The following SDK2 variants were observed in gnomAD, a reference collection of about 807,000 sequenced individuals.
The protein encoded by SDK2 is protein sidekick-2.
A neutral mutation model predicts 253.9 loss-of-function variants in SDK2; 105 were observed. The observed-to-expected ratio is 0.41, with a 90% CI of 0.35 to 0.49. SDK2 has a LOEUF of 0.49. SDK2 is among the 20% of genes least tolerant of loss of function. The pLI, the probability that SDK2 is intolerant of heterozygous loss-of-function variation, is 0.06. For synonymous variants in SDK2, 1,249 were observed against 1,234.9 expected (o/e 1.01, Z -0.24); for missense variants, 2,608 against 3,003.0 (o/e 0.87, Z 3.07).
At chr17:73,344,092 G>C (rs2062462481) in intron 44 of SDK2, among the ~76,000 whole-genome samples, 1 of 152,176 alleles carries the variant, frequency 6.6e-6, no homozygotes, top group South Asian at 2.1e-4. Flanking sequence ...TTAAAGGTGG[G>C]GTAGGGGTGA....
At chr17:73,544,812 C>T (rs2044929817) in intron 1 of SDK2, among the ~76,000 whole-genome samples, 1 of 152,180 alleles carries the variant, frequency 6.6e-6, no homozygotes, top group Non-Finnish European at 1.5e-5. Flanking sequence ...GGGGTCAGAG[C>T]TCGGGTGTGC....
In SDK2 at chr17:73,609,152, G is replaced by C. The variant is rs1357848692; in HGVS notation, c.64+34873C>G. 6.6e-6 allele frequency among the ~76,000 whole-genome samples: 1 copy of C among 152,158 alleles called. No homozygotes were observed. Among genetic ancestry groups the C allele is most frequent in the Non-Finnish European group, 1.5e-5 (1 of 68,040 alleles). Reference sequence around the variant, plus strand: ...CAGGAGTTTGCAAGACCTTGTGTGTGTTCAGTTGGGATGACTTGGTCATCA... The same window carrying C: ...CAGGAGTTTGCAAGACCTTGTGTGTCTTCAGTTGGGATGACTTGGTCATCA... On this transcript the variant is annotated intron_variant, in intron 1 of 44. Coordinates refer to ENST00000392650, the MANE Select transcript of SDK2 (RefSeq NM_001144952.2). The surrounding 1 kb of genome is among the most constrained non-coding windows in gnomAD (Gnocchi z 4.4).
rs1567790033 is a variant in SDK2 at position 73,467,972 on chromosome 17, C to A, written c.331+4140G>T. Among the ~76,000 whole-genome samples, 1 of 152,192 alleles carries A rather than the reference C, an allele frequency of 6.6e-6. No individual in the cohort carries two copies. Among genetic ancestry groups the A allele is most frequent in the Non-Finnish European group, 1.5e-5 (1 of 68,026 alleles). On this transcript the variant is annotated intron_variant, in intron 3 of 44. Coordinates refer to ENST00000392650, the MANE Select transcript of SDK2 (RefSeq NM_001144952.2). This position sits in a 1 kb window ranked among gnomAD's most constrained non-coding sequence, Gnocchi z 4.1. ...AGGTGTCCTATTCCTTTGCCAGGGGCCTTACCCATATGTGCACAGCTGGGC... is the reference window on the plus strand; with the variant it reads ...AGGTGTCCTATTCCTTTGCCAGGGGACTTACCCATATGTGCACAGCTGGGC...
At chr17:73,641,589 C>A (rs545647305) in intron 1 of SDK2, among the ~76,000 whole-genome samples, 16 of 151,962 alleles carry the variant, frequency 1.1e-4, no homozygotes, top group Non-Finnish European at 2.4e-4. Context: ...ACCCACCCCC[C>A]ATCCCCAAAA....
chr17:73,484,036 G>T (rs1402531356), intron 2 of SDK2, among the ~76,000 whole-genome samples: 1 of 152,018 alleles, frequency 6.6e-6, no homozygotes, highest in Non-Finnish European at 1.5e-5. Context: ...AAAGCAAAAT[G>T]AAAGGAGCAT....
intron 1 of SDK2, among the ~76,000 whole-genome samples, chr17:73,575,077 C>T (rs2045440375): frequency 6.6e-6 from 1 of 152,160 alleles, no homozygotes; most frequent in South Asian, 2.1e-4. Flanking sequence ...CTGGGCTCTG[C>T]CTGGGTTTGG....
chr17:73,418,170 G>C (rs2145576536), intron 16 of SDK2, among the ~76,000 whole-genome samples: 1 of 152,162 alleles, frequency 6.6e-6, no homozygotes, highest in South Asian at 2.1e-4. Context: ...ACCATGCCCA[G>C]GTAATTTTTG....
At chr17:73,502,601 T>A (rs922643666) in intron 2 of SDK2, among the ~76,000 whole-genome samples, 3 of 152,210 alleles carry the variant, frequency 2.0e-5, no homozygotes, top group Admixed American at 2.0e-4. Flanking sequence ...AAAACCATAA[T>A]GCATGAGTTT....
At chr17:73,398,801 T>A (rs2062994024) in intron 22 of SDK2, among the ~76,000 whole-genome samples, 1 of 152,138 alleles carries the variant, frequency 6.6e-6, no homozygotes, top group Non-Finnish European at 1.5e-5. Flanking sequence ...AGGCTGCCCC[T>A]CAAATCAGCT....
chr17:73,350,008 C>T (rs2062520023), intron 43 of SDK2, among the ~76,000 whole-genome samples: 1 of 75,704 alleles, frequency 1.3e-5, no homozygotes, highest in Admixed American at 1.8e-4. Flanking sequence ...CCCCAGTGCG[C>T]CCTCACCCCC....
chr17:73,363,660 A>C (rs1272461306), intron 38 of SDK2, among the ~76,000 whole-genome samples: 1 of 151,992 alleles, frequency 6.6e-6, no homozygotes, highest in Admixed American at 6.6e-5. Flanking sequence ...CTATTATGGG[A>C]AGATGGGAAT....
intron 1 of SDK2, among the ~76,000 whole-genome samples, chr17:73,624,698 G>A (rs2046179070): frequency 6.6e-6 from 1 of 152,236 alleles, no homozygotes; most frequent in African/African-American, 2.4e-5. Context: ...ACCGCTGAGT[G>A]ATGCTGAGGC....
At chr17:73,549,213 G>A in intron 1 of SDK2, among the ~76,000 whole-genome samples, 1 of 152,210 alleles carries the variant, frequency 6.6e-6, no homozygotes, top group Non-Finnish European at 1.5e-5. Flanking sequence ...GGAGCAGGGA[G>A]GAGTAGAAGG....
At chr17:73,605,330 A>G (rs527341166) in intron 1 of SDK2, among the ~76,000 whole-genome samples, 74 of 152,264 alleles carry the variant, frequency 4.9e-4, no homozygotes, top group Non-Finnish European at 8.7e-4. Flanking sequence ...ATGGAGGTCC[A>G]GGTGAGGGGG....
Position 73,341,365 on chromosome 17 carries a change from A to AC in SDK2, c.6166-2426dup, listed in dbSNP as rs201238572. Among the ~76,000 whole-genome samples, 553 of 151,414 alleles carry AC rather than the reference A, an allele frequency of 3.7e-3. 17 individuals carry two copies. Among genetic ancestry groups the AC allele is most frequent in the East Asian group, 5.4e-3 (28 of 5,140 alleles). On this transcript the variant is annotated intron_variant, in intron 44 of 44. Coordinates refer to ENST00000392650, the MANE Select transcript of SDK2 (RefSeq NM_001144952.2). ...AATTGTGGAGCTAAAAACATGGTGCACCCCTTCCCCTACCCTGAGCTCCCA... is the reference window on the plus strand; with the variant it reads ...AATTGTGGAGCTAAAAACATGGTGCACCCCCTTCCCCTACCCTGAGCTCCCA...
At chr17:73,507,659 T>C in intron 1 of SDK2, 62 bp from the exon 2 acceptor site, 1 of 1,509,388 alleles carries the variant, frequency 6.6e-7, no homozygotes, top group East Asian at 2.5e-5. Context: ...ACCTGGTGCG[T>C]TTAGTATCCT....
At position 73,379,503 on chromosome 17, in the gene SDK2, G is replaced by A. The variant is rs78145056; in HGVS notation, c.4809C>T (p.Asn1603=). 5,215 of 1,612,774 alleles carry A rather than the reference G, an allele frequency of 3.2e-3. 171 individuals are homozygous for A. In the East Asian group the frequency reaches 0.08, roughly 25 times the overall value. ...RRYEIRMSVY[N]AVGEGPSSPP... ...GGCTGGAGGGCCCCTCACCCACAGC[G>A]TTGTACACGCTCATCCGTATCTCGT... Residue 1603 remains asparagine (N), a synonymous_variant, in exon 35 of 45, where the codon AAC becomes AAT. Transcript: ENST00000392650. The surrounding 1 kb of genome is among the most constrained non-coding windows in gnomAD (Gnocchi z 4.5).
chr17:73,557,320 T>C (rs969502623), intron 1 of SDK2, among the ~76,000 whole-genome samples: 1 of 151,664 alleles, frequency 6.6e-6, no homozygotes, highest in Non-Finnish European at 1.5e-5. Flanking sequence ...TTTTTTTTTT[T>C]TGAGACAGGG....
rs762890901 is a variant in SDK2, at chr17:73,361,708, T to G, written c.5443A>C (p.Asn1815His). ...TFTYGPEIEANVTTGPGEGAP... is the reference protein window; with the variant it reads ...TFTYGPEIEAHVTTGPGEGAP... The stretch of plus-strand genomic sequence containing the variant: ...CCTTCTCCGGGGCCCGTGGTGACGT[T>G]GGCTTCGATCTCCGGCCCGTAGGTG... Residue 1815 changes from asparagine (N) to histidine (H), a missense_variant, in exon 39 of 45, where the codon AAC (asparagine) becomes CAC (histidine). Around this residue, in one of 2 missense-constraint regions of SDK2, gnomAD observed 1,103 missense variants for 1,143.9 expected, o/e 0.96. Transcript: ENST00000392650. The surrounding 1 kb of genome is among the most constrained non-coding windows in gnomAD (Gnocchi z 4.1). The G allele has an allele frequency of 7.4e-6, 12 of 1,612,248 alleles. No homozygotes were observed. In the East Asian group the frequency reaches 2.7e-4, roughly 36 times the overall value.
Sources: gnomAD v4.1 joint callset for allele counts (sites outside exome capture counted in the v4.1 genomes callset) on GRCh38, gnomAD v4.1.1 for gene constraint, gnomAD v4.1.1 regional missense constraint, Gnocchi (gnomAD v3.1) non-coding constraint, MANE v1.5 for transcripts, NCBI Gene and HGNC (gene_info 2026-07-23, HGNC 2026-07-21) for gene names.